Variants in ACTN4 observed in about 807,000 individuals in gnomAD.
ACTN4 encodes the protein alpha-actinin-4.
Under a neutral mutation model 114.2 loss-of-function variants are expected in ACTN4, and 18 were observed. The ratio of observed to expected loss-of-function variants is 0.16; its 90% CI spans 0.11 to 0.23. The LOEUF (loss-of-function observed/expected upper bound fraction) is 0.23, where lower values mean the gene tolerates loss of function less well. ACTN4 is among the 10% of genes least tolerant of loss of function. The pLI is 1.00. For synonymous variants in ACTN4, 515 were observed against 506.3 expected, an observed-to-expected ratio of 1.02 and a Z score of -0.23; for missense variants, 722 against 1,262.9, an observed-to-expected ratio of 0.57 and a Z score of 6.49.
intron 1 of ACTN4, among the ~76,000 whole-genome samples, chr19:38,665,165 C>T (rs1483572289): frequency 6.6e-6 from 1 of 152,166 alleles, no homozygotes. Flanking sequence ...ATCCCCCACT[C>T]CCCACTGCCC....
chr19:38,723,597 C>T lies in ACTN4; in HGVS notation c.1443-17C>T. 2 of 1,586,906 alleles carry T rather than the reference C, an allele frequency of 1.3e-6. No individual in the cohort carries two copies. The highest frequency in any genetic ancestry group is 2.3e-5 in the East Asian group (1 of 44,100). On this transcript the variant is annotated splice_polypyrimidine_tract_variant and intron_variant, in intron 12 of 20. Coordinates refer to ENST00000252699, the MANE Select transcript of ACTN4 (RefSeq NM_004924.6). ...CTTGCCCTTGCCGAGTCTCATTGCT[C>T]TCTGCCCGGCCCGCAGCGAGCTGGA...
At chr19:38,649,181 G>C (rs1976480016) in intron 1 of ACTN4, among the ~76,000 whole-genome samples, 1 of 147,900 alleles carries the variant, frequency 6.8e-6, no homozygotes, top group African/African-American at 2.5e-5. Context: ...TGTTTTTTTG[G>C]GGGGCGGGGG....
intron 1 of ACTN4, among the ~76,000 whole-genome samples, chr19:38,695,335 G>C (rs1968058234): frequency 1.3e-5 from 2 of 152,322 alleles, no homozygotes; most frequent in South Asian, 4.1e-4. Flanking sequence ...GCTGCCCCTG[G>C]AAGATGACCG....
intron 11 of ACTN4, among the ~76,000 whole-genome samples, chr19:38,720,468 C>G (rs1969002492): frequency 1.3e-5 from 2 of 152,262 alleles, no homozygotes; most frequent in South Asian, 4.1e-4. Context: ...GCTGAGCCTC[C>G]TGCCCCAGGG....
intron 1 of ACTN4, among the ~76,000 whole-genome samples, chr19:38,673,134 G>C (rs950254199): frequency 6.7e-6 from 1 of 150,298 alleles, no homozygotes; most frequent in African/African-American, 2.4e-5. Flanking sequence ...ATAGAGACAG[G>C]GTTTTATCAT....
At chr19:38,702,513 C>T (rs755390660) in intron 3 of ACTN4, among the ~76,000 whole-genome samples, 2 of 152,240 alleles carry the variant, frequency 1.3e-5, no homozygotes, top group Non-Finnish European at 2.9e-5. Context: ...ACCGGAACTC[C>T]ATAAGCCCTC....
At chr19:38,696,265 C>G (rs985202941) in intron 1 of ACTN4, among the ~76,000 whole-genome samples, 3 of 152,120 alleles carry the variant, frequency 2.0e-5, no homozygotes, top group African/African-American at 7.2e-5. Context: ...ATGGATTCAG[C>G]ACAGGGCCTG....
At chr19:38,705,659 C>T (rs189527119) in intron 4 of ACTN4, among the ~76,000 whole-genome samples, 1 of 152,332 alleles carries the variant, frequency 6.6e-6, no homozygotes, top group Admixed American at 6.5e-5. Flanking sequence ...TCACCTTGTT[C>T]AAAAGAGGCC....
chr19:38,716,285 T>C (rs945672225), intron 9 of ACTN4, among the ~76,000 whole-genome samples: 5 of 152,192 alleles, frequency 3.3e-5, no homozygotes, highest in Non-Finnish European at 5.9e-5. Flanking sequence ...AAAGAATATG[T>C]TTGTTTCTTT....
At chr19:38,702,746 C>T (rs1968323337) in intron 3 of ACTN4, among the ~76,000 whole-genome samples, 6 of 152,180 alleles carry the variant, frequency 3.9e-5, no homozygotes, top group Admixed American at 3.9e-4. Context: ...GCAGAATGAG[C>T]ATATTTCCTC....
intron 1 of ACTN4, among the ~76,000 whole-genome samples, chr19:38,659,546 T>A (rs1228616628): frequency 6.6e-6 from 1 of 152,160 alleles, no homozygotes; most frequent in African/African-American, 2.4e-5. Context: ...AAGCAAACTT[T>A]GACCATAAAA....
chr19:38,729,934 A>C lies in ACTN4; in HGVS notation c.*502A>C. 3.0e-6 allele frequency: 1 copy of C among 338,462 alleles called. No individual in the cohort carries two copies. Among genetic ancestry groups the C allele is most frequent in the African/African-American group, 2.2e-5 (1 of 46,164 alleles). The allele number at this position is 338,462 out of a possible 1,614,324, so 21.0% of individuals were successfully genotyped here. A position where few individuals can be genotyped will look rare whatever the true frequency, so the allele number is the denominator to read the frequency against. On this transcript the variant is annotated 3_prime_UTR_variant, in exon 21 of 21. Coordinates refer to ENST00000252699, the MANE Select transcript of ACTN4 (RefSeq NM_004924.6). Reference sequence around the variant, plus strand: ...AGCCCCTCTCCCCTCTCTGCTCCAGACTCACTTGCCATTGCCAGGAGATGG... The same window carrying C: ...AGCCCCTCTCCCCTCTCTGCTCCAGCCTCACTTGCCATTGCCAGGAGATGG...
rs749867316 is a variant in ACTN4 at position 38,724,084 on chromosome 19, AC to A, written c.1692+13del. On this transcript the variant is annotated splice_region_variant and intron_variant, in intron 14 of 20. Coordinates refer to ENST00000252699, the MANE Select transcript of ACTN4 (RefSeq NM_004924.6). The surrounding 1 kb of genome is among the most constrained non-coding windows in gnomAD (Gnocchi z 7.0). ...TACCATCGAGGAGATTGAGGTTCGC[AC>A]CCCCCGGCCCCCCATCTTCCCAAGA... 20 of 1,612,640 alleles carry A rather than the reference AC, an allele frequency of 1.2e-5. No individual in the cohort carries two copies. The highest frequency in any genetic ancestry group is 1.6e-5 in the Non-Finnish European group (19 of 1,179,798).
At chr19:38,700,315 A>G (rs1377733625) in intron 1 of ACTN4, among the ~76,000 whole-genome samples, 1 of 152,102 alleles carries the variant, frequency 6.6e-6, no homozygotes, top group African/African-American at 2.4e-5. Flanking sequence ...CATGTTGCCA[A>G]AATTGACAGA....
At chr19:38,708,269 C>T in intron 6 of ACTN4, 74 bp downstream of exon 6, 2 of 1,489,114 alleles carry the variant, frequency 1.3e-6, no homozygotes, top group South Asian at 1.1e-5. Context: ...GTCACCATCC[C>T]CATGCCCTTC....
Position 38,706,067 on chromosome 19 carries a change from C to T in ACTN4, c.508C>T (p.Leu170Phe). ...VEETSAKEGLLLWCQRKTAPY... is the reference protein window; with the variant it reads ...VEETSAKEGLFLWCQRKTAPY... ...AGAGACCTCGGCCAAGGAAGGGCTCCTTCTCTGGTGCCAGAGAAAGACAGC... is the reference window on the plus strand; with the variant it reads ...AGAGACCTCGGCCAAGGAAGGGCTCTTTCTCTGGTGCCAGAGAAAGACAGC... The change falls in exon 5 of 21, where the codon CTT becomes TTT. Residue 170 changes from leucine to phenylalanine, a missense_variant. Leu to Phe is a conservative substitution (Grantham distance 22). Coordinates refer to ENST00000252699, the MANE Select transcript of ACTN4 (RefSeq NM_004924.6). 6.2e-7 allele frequency: 1 copy of T among 1,614,186 alleles called. No homozygotes were observed. The highest frequency in any genetic ancestry group is 8.5e-7 in the Non-Finnish European group (1 of 1,180,008).
chr19:38,718,216 A>G (rs1034103712), intron 11 of ACTN4, 142 bp downstream of exon 11: 2 of 1,395,354 alleles, frequency 1.4e-6, no homozygotes, highest in Non-Finnish European at 2.0e-6. Context: ...GCTTGGGAGC[A>G]TGTGTGTGTG....
intron 1 of ACTN4, 42 bp downstream of exon 1, chr19:38,647,949 G>C: frequency 7.0e-7 from 1 of 1,432,670 alleles, no homozygotes; most frequent in Non-Finnish European, 9.2e-7. Flanking sequence ...GGGCTTTTCT[G>C]AGGGGGCCCG....
chr19:38,713,248 C>A (rs1968722694), intron 8 of ACTN4, among the ~76,000 whole-genome samples: 1 of 152,228 alleles, frequency 6.6e-6, no homozygotes, highest in Non-Finnish European at 1.5e-5. Flanking sequence ...ATTCAGCAAC[C>A]CTGAACACCG....
Sources: gnomAD v4.1 joint callset for allele counts (sites outside exome capture counted in the v4.1 genomes callset) on GRCh38, gnomAD v4.1.1 for gene constraint, Gnocchi (gnomAD v3.1) non-coding constraint, MANE v1.5 for transcripts, NCBI Gene and HGNC (gene_info 2026-07-23, HGNC 2026-07-21) for gene names.